Variants in GPR83 observed in about 807,000 individuals in gnomAD.
The protein encoded by GPR83 is G-protein coupled receptor 72.
GPR83 carries 23 observed loss-of-function variants against 28.0 expected under a neutral mutation model. That is an observed-to-expected ratio of 0.82 (90% CI 0.59 to 1.16). GPR83 has a LOEUF of 1.16. GPR83 is among the 50% of genes most tolerant of loss of function. The pLI is 0.00. For synonymous variants in GPR83, 234 were observed against 215.4 expected (o/e 1.09, Z -0.76); for missense variants, 610 against 536.6 (o/e 1.14, Z -1.35).
At chr11:94,393,890 C>A (rs1182758716) in intron 2 of GPR83, among the ~76,000 whole-genome samples, 1 of 152,172 alleles carries the variant, frequency 6.6e-6, no homozygotes, top group African/African-American at 2.4e-5. Flanking sequence ...TTGATAAAGT[C>A]AAGCACCCCT....
intron 1 of GPR83, 53 bp downstream of exon 1, chr11:94,400,808 G>A: frequency 1.3e-6 from 2 of 1,567,464 alleles, no homozygotes; most frequent in South Asian, 2.4e-5. Context: ...AGAACTGAGA[G>A]AGGAAAGGGA....
chr11:94,386,683 C>A (rs906491061), intron 3 of GPR83, among the ~76,000 whole-genome samples: 1 of 152,150 alleles, frequency 6.6e-6, no homozygotes, highest in African/African-American at 2.4e-5. Flanking sequence ...AAAGCAAGTC[C>A]TTAGAGACCT....
intron 3 of GPR83, among the ~76,000 whole-genome samples, chr11:94,388,615 AG>A (rs1305581939): frequency 3.3e-5 from 5 of 152,222 alleles, no homozygotes; most frequent in Non-Finnish European, 7.3e-5. Context: ...CCAACTTACA[AG>A]GGATGTGAAG....
rs1238423480 is a variant in GPR83, at chr11:94,382,013, G to A, written c.648-1240C>T. Among the ~76,000 whole-genome samples the A allele has an allele frequency of 2.6e-5, 4 of 152,196 alleles. No individual in the cohort carries two copies. In the East Asian group the frequency reaches 5.8e-4, roughly 22 times the overall value. ...CTGCCTCAATTAGCCACTTGTAGGTGTACCTGCCTTTATCACAAAACCTGT... is the reference window on the plus strand; with the variant it reads ...CTGCCTCAATTAGCCACTTGTAGGTATACCTGCCTTTATCACAAAACCTGT... On this transcript the variant is annotated intron_variant, in intron 3 of 3. Coordinates refer to ENST00000243673, the MANE Select transcript of GPR83 (RefSeq NM_016540.4).
At chr11:94,396,339 A>C in intron 2 of GPR83, 60 bp downstream of exon 2, 1 of 1,569,314 alleles carries the variant, frequency 6.4e-7, no homozygotes, top group Admixed American at 1.7e-5. Context: ...AGCCCCTGCA[A>C]CTTCCAGGAA....
At chr11:94,384,968 T>A (rs1373903550) in intron 3 of GPR83, among the ~76,000 whole-genome samples, 2 of 152,094 alleles carry the variant, frequency 1.3e-5, no homozygotes, top group East Asian at 3.9e-4. Context: ...GACTGACATC[T>A]CACATGGCCA....
intron 2 of GPR83, among the ~76,000 whole-genome samples, chr11:94,394,575 C>T (rs1256830096): frequency 6.6e-6 from 1 of 152,150 alleles, no homozygotes; most frequent in African/African-American, 2.4e-5. Context: ...AGAGCTGGCA[C>T]CACCTCTAGA....
chr11:94,381,434 G>C (rs1165112716), intron 3 of GPR83, among the ~76,000 whole-genome samples: 10 of 152,068 alleles, frequency 6.6e-5, no homozygotes, highest in Non-Finnish European at 1.5e-4. Flanking sequence ...CTGGATGTTG[G>C]GGGGCCTGGG....
intron 3 of GPR83, 67 bp from the exon 4 acceptor site, chr11:94,380,840 A>T: frequency 1.4e-6 from 2 of 1,410,906 alleles, no homozygotes; most frequent in South Asian, 1.3e-5. Context: ...GAAAGGCTTC[A>T]TCCCAAGAAG....
At chr11:94,392,119 T>A (rs987894634) in intron 3 of GPR83, among the ~76,000 whole-genome samples, 2 of 152,190 alleles carry the variant, frequency 1.3e-5, no homozygotes, top group Non-Finnish European at 2.9e-5. Flanking sequence ...GTGGCACACA[T>A]ACACCATGGA....
intron 3 of GPR83, among the ~76,000 whole-genome samples, chr11:94,384,886 C>T (rs553384511): frequency 1.6e-4 from 25 of 152,336 alleles, no homozygotes; most frequent in East Asian, 5.8e-4. Flanking sequence ...GATCTGAGAA[C>T]GGATAGACTG....
chr11:94,386,323 G>A (rs1400432962), intron 3 of GPR83, among the ~76,000 whole-genome samples: 2 of 152,126 alleles, frequency 1.3e-5, no homozygotes, highest in African/African-American at 2.4e-5. Flanking sequence ...ACATCATAAT[G>A]ACAGGATCAA....
At chr11:94,397,004 A>C (rs1944872910) in intron 1 of GPR83, among the ~76,000 whole-genome samples, 1 of 152,226 alleles carries the variant, frequency 6.6e-6, no homozygotes, top group Non-Finnish European at 1.5e-5. Context: ...AATAGTAGCT[A>C]TCTTTATGTG....
In GPR83 at chr11:94,381,515, G is replaced by A. The variant is rs187970397; in HGVS notation, c.648-742C>T. On this transcript the variant is annotated intron_variant, in intron 3 of 3. Coordinates refer to ENST00000243673, the MANE Select transcript of GPR83 (RefSeq NM_016540.4). ...ATAAGTTAGTTGAAATCTGCCTTCC[G>A]AGCCTGTTTCTCTTGACCCTGCTTT... is the stretch of plus-strand genomic sequence containing the variant. 2.7e-3 allele frequency among the ~76,000 whole-genome samples: 404 copies of A among 151,854 alleles called. 1 individual carries two copies. The highest frequency in any genetic ancestry group is 4.3e-3 in the Non-Finnish European group (290 of 67,962).
chr11:94,385,745 G>T (rs914487099), intron 3 of GPR83, among the ~76,000 whole-genome samples: 37 of 152,336 alleles, frequency 2.4e-4, no homozygotes, highest in African/African-American at 7.2e-4. Flanking sequence ...AAGTGACGGG[G>T]AGAATGGAAC....
At position 94,380,404 on chromosome 11, in the gene GPR83, G is replaced by C. The variant is rs754369373; in HGVS notation, c.1017C>G (p.Cys339Trp). 5 of 1,614,196 alleles carry C rather than the reference G, an allele frequency of 3.1e-6. No homozygotes were observed. Among genetic ancestry groups the C allele is most frequent in the African/African-American group, 1.3e-5 (1 of 75,056 alleles). The change falls in exon 4 of 4, where the codon TGC becomes TGG. Residue 339 changes from cysteine (C) to tryptophan (W), a missense_variant. Transcript: ENST00000243673. ...AFHWFAMSSTCYNPFIYCWLN... is the reference protein window; with the variant it reads ...AFHWFAMSSTWYNPFIYCWLN... The stretch of plus-strand genomic sequence containing the variant: ...GCCAGCAGTATATGAAGGGGTTATA[G>C]CAGGTGCTGCTCATGGCAAACCAGT...
chr11:94,387,908 C>G (rs1343580232), intron 3 of GPR83, among the ~76,000 whole-genome samples: 1 of 152,150 alleles, frequency 6.6e-6, no homozygotes, highest in Non-Finnish European at 1.5e-5. Context: ...AGACGAACAT[C>G]AATGCAAAAA....
At chr11:94,390,812 C>G (rs997765102) in intron 3 of GPR83, among the ~76,000 whole-genome samples, 3 of 151,962 alleles carry the variant, frequency 2.0e-5, no homozygotes, top group African/African-American at 4.8e-5. Context: ...CACTGCTCAA[C>G]AAAATAACAG....
intron 3 of GPR83, among the ~76,000 whole-genome samples, chr11:94,383,038 GGCA>G (rs1944710275): frequency 3.1e-5 from 4 of 128,092 alleles, no homozygotes; most frequent in African/African-American, 1.1e-4. Flanking sequence ...CTTGGTAGCG[GGCA>G]CCTGTAGTCC....
Sources: gnomAD v4.1 joint callset for allele counts (sites outside exome capture counted in the v4.1 genomes callset) on GRCh38, gnomAD v4.1.1 for gene constraint, MANE v1.5 for transcripts, NCBI Gene and HGNC (gene_info 2026-07-23, HGNC 2026-07-21) for gene names.